DDX51: variants seen among roughly 807,000 people sequenced by gnomAD.
DDX51 encodes the protein DEAD-box helicase 51.
Under a neutral mutation model 74.6 loss-of-function variants are expected in DDX51, and 67 were observed. That is an observed-to-expected ratio of 0.90 (90% CI 0.74 to 1.10). The LOEUF (loss-of-function observed/expected upper bound fraction) is 1.10, where lower values mean the gene tolerates loss of function less well. Ranked by LOEUF, DDX51 falls within the 50% of genes least tolerant of loss-of-function variation. The probability of loss-of-function intolerance (pLI) is 0.00; values close to 1 mark genes in which losing one functional copy is unlikely to be tolerated. For synonymous variants in DDX51, 545 were observed against 402.9 expected (o/e 1.35, Z -4.22); for missense variants, 1,056 against 905.2 (o/e 1.17, Z -2.14).
At chr12:132,143,936 C>A in intron 1 of DDX51, 27 bp from the exon 2 acceptor site, 1 of 1,482,864 alleles carries the variant, frequency 6.7e-7, no homozygotes. Context: ...CACCCGGCAG[C>A]GCGTCAGCAC....
rs997620811 is a variant in DDX51 at position 132,138,057 on chromosome 12, C to G, written c.*1215G>C. 1 of 152,318 alleles carries G rather than the reference C, an allele frequency of 6.6e-6. No individual in the cohort carries two copies. Among genetic ancestry groups the G allele is most frequent in the Non-Finnish European group, 1.5e-5 (1 of 68,086 alleles). 9.4% of individuals were successfully genotyped at this position (152,318 alleles called of 1,614,324 possible). A position where few individuals can be genotyped will look rare whatever the true frequency, so the allele number is the denominator to read the frequency against. Reference sequence around the variant, plus strand: ...GTGTGGATTTCCCACGTTTTATTCTCCATTCATCAGCTGACGGACATGTGG... The same window carrying G: ...GTGTGGATTTCCCACGTTTTATTCTGCATTCATCAGCTGACGGACATGTGG... On this transcript the variant is annotated 3_prime_UTR_variant, in exon 15 of 15. Transcript: ENST00000397333.
Position 132,143,771 on chromosome 12 carries a change from G to C in DDX51, c.443C>G (p.Pro148Arg), listed in dbSNP as rs1262552615. 2 of 1,521,844 alleles carry C rather than the reference G, an allele frequency of 1.3e-6. No homozygotes were observed. Among genetic ancestry groups the C allele is most frequent in the African/African-American group, 2.8e-5 (2 of 70,726 alleles). The allele number at this position is 1,521,844 out of a possible 1,614,324, so 94.3% of individuals were successfully genotyped here. A position where few individuals can be genotyped will look rare whatever the true frequency, so the allele number is the denominator to read the frequency against. The change falls in exon 2 of 15, where the codon CCG (proline) becomes CGG (arginine). Residue 148 changes from proline (P) to arginine (R), a missense_variant. Coordinates refer to ENST00000397333, the MANE Select transcript of DDX51 (RefSeq NM_175066.4). Reference protein sequence around the residue: ...SASAEAAPDGPALEEAAGPLV... With the variant: ...SASAEAAPDGRALEEAAGPLV... ...GGGTCCGGCCGCCTCCTCCAGGGCC[G>C]GTCCATCTGGGGCCGCCTCGGCGCT...
chr12:132,142,386 G>A lies in DDX51; in HGVS notation c.707C>T (p.Ala236Val). ...AAVIPALLESAACGFLVGRGG... is the reference protein window; with the variant it reads ...AAVIPALLESVACGFLVGRGG... ...TCTGCCCACCAGAAACCCACAGGCT[G>A]CGCTCTCCAGGAGGGCAGGAATCAC... Residue 236 changes from alanine to valine, a missense_variant, in exon 4 of 15, where the codon GCA (alanine) becomes GTA (valine). Transcript: ENST00000397333. 6.2e-7 allele frequency: 1 copy of A among 1,612,836 alleles called. No individual in the cohort carries two copies. The highest frequency in any genetic ancestry group is 8.5e-7 in the Non-Finnish European group (1 of 1,180,006).
At chr12:132,143,137 AC>A in intron 2 of DDX51, 1 of 505,012 alleles carries the variant, frequency 2.0e-6, no homozygotes, top group Non-Finnish European at 3.6e-6. Flanking sequence ...AGGTCCTGTG[AC>A]CTGGCGCTCG....
At position 132,143,884 on chromosome 12, in the gene DDX51, C is replaced by T; in HGVS notation, c.330G>A (p.Glu110=). 6.6e-7 allele frequency: 1 copy of T among 1,513,544 alleles called. No homozygotes were observed. The highest frequency in any genetic ancestry group is 8.8e-7 in the Non-Finnish European group (1 of 1,142,768). 93.8% of individuals were successfully genotyped at this position (1,513,544 alleles called of 1,614,324 possible). Residue 110 remains glutamate, a synonymous_variant, in exon 2 of 15, where the codon GAG becomes GAA. Transcript: ENST00000397333. ...CCTCCTCGCTGCTCCCTGCGCTGGG[C>T]TCCCCTGGCGCCTCCTCGTTGCTTT... ...GAESNEEAPG[E]PSAGSSEEAP...
rs759418793 is a variant in DDX51, at chr12:132,143,686, G to A, written c.519+9C>T. On this transcript the variant is annotated intron_variant, in intron 2 of 14. Coordinates refer to ENST00000397333, the MANE Select transcript of DDX51 (RefSeq NM_175066.4). The stretch of plus-strand genomic sequence containing the variant: ...CACGCCGACCACCCTCCCGCCCGCC[G>A]AGGCTCACCTTCGGCGCCTTCCTCT... 17 of 1,537,522 alleles carry A rather than the reference G, an allele frequency of 1.1e-5. No individual in the cohort carries two copies. The highest frequency in any genetic ancestry group is 5.0e-5 in the East Asian group (2 of 39,904).
At position 132,139,687 on chromosome 12, in the gene DDX51, G is replaced by C. The variant is rs201039066; in HGVS notation, c.1922C>G (p.Pro641Arg). 1 of 1,612,890 alleles carries C rather than the reference G, an allele frequency of 6.2e-7. No individual in the cohort carries two copies. Among genetic ancestry groups the C allele is most frequent in the African/African-American group, 1.3e-5 (1 of 74,924 alleles). ...RHELSSKLLQ[P>R]LVPRYEEALS... ...GGCCTCCTCGTACCGAGGAACCAGCGGCTGCAGCAGCTTGCTGGAGAGCTC... is the reference window on the plus strand; with the variant it reads ...GGCCTCCTCGTACCGAGGAACCAGCCGCTGCAGCAGCTTGCTGGAGAGCTC... Residue 641 changes from proline to arginine, a missense_variant, in exon 14 of 15, where the codon CCG becomes CGG. Coordinates refer to ENST00000397333, the MANE Select transcript of DDX51 (RefSeq NM_175066.4).
rs2136673784 is a variant in DDX51, at chr12:132,139,698, C to T, written c.1911G>A (p.Lys637=). The T allele has an allele frequency of 1.2e-6, 2 of 1,613,026 alleles. No individual in the cohort carries two copies. The highest frequency in any genetic ancestry group is 1.7e-6 in the Non-Finnish European group (2 of 1,180,012). Residue 637 remains lysine (K), a synonymous_variant, in exon 14 of 15, where the codon AAG becomes AAA. Transcript: ENST00000397333. ...PELQRHELSS[K]LLQPLVPRYE... is the part of the protein sequence containing the mutation. ...ACCGAGGAACCAGCGGCTGCAGCAGCTTGCTGGAGAGCTCGTGCCGCTGCA... is the reference window on the plus strand; with the variant it reads ...ACCGAGGAACCAGCGGCTGCAGCAGTTTGCTGGAGAGCTCGTGCCGCTGCA...
rs199716931 is a variant in DDX51, at chr12:132,141,401, C to G, written c.1124G>C (p.Arg375Pro). 2 of 1,595,748 alleles carry G rather than the reference C, an allele frequency of 1.3e-6. No individual in the cohort carries two copies. Among genetic ancestry groups the G allele is most frequent in the South Asian group, 2.2e-5 (2 of 90,732 alleles). Reference protein sequence around the residue: ...LRFLIIDEADRMIDSMHQSWL... With the variant: ...LRFLIIDEADPMIDSMHQSWL... ...GGACTGATGCATGCTGTCAATCATCCGGTCAGCCTCGTCGATAATCTGCAG... is the reference window on the plus strand; with the variant it reads ...GGACTGATGCATGCTGTCAATCATCGGGTCAGCCTCGTCGATAATCTGCAG... Residue 375 changes from arginine to proline, a missense_variant, in exon 8 of 15, where the codon CGG becomes CCG. Coordinates refer to ENST00000397333, the MANE Select transcript of DDX51 (RefSeq NM_175066.4).
Position 132,144,238 on chromosome 12 carries a change from G to C in DDX51, c.59C>G (p.Pro20Arg), listed in dbSNP as rs1187840198. 4 of 1,227,700 alleles carry C rather than the reference G, an allele frequency of 3.3e-6. No homozygotes were observed. The highest frequency in any genetic ancestry group is 4.1e-6 in the Non-Finnish European group (4 of 985,076). The allele number at this position is 1,227,700 out of a possible 1,614,324, so 76.1% of individuals were successfully genotyped here. A position where few individuals can be genotyped will look rare whatever the true frequency, so the allele number is the denominator to read the frequency against. ...PGPDAAAAAG[P>R]EGAEAGAHGR... ...GTGCGCCCCGGCCTCCGCGCCCTCC[G>C]GCCCCGCCGCAGCTGCCGCATCGGG... Residue 20 changes from proline (P) to arginine (R), a missense_variant, in exon 1 of 15, where the codon CCG becomes CGG. Transcript: ENST00000397333.
Position 132,140,162 on chromosome 12 carries a change from C to A in DDX51, c.1711G>T (p.Val571Leu), listed in dbSNP as rs371856587. Residue 571 changes from valine (V) to leucine (L), a missense_variant, in exon 12 of 15, where the codon GTG becomes TTG. Coordinates refer to ENST00000397333, the MANE Select transcript of DDX51 (RefSeq NM_175066.4). ...STDATARGIDVQGVELVVNYD... is the reference protein window; with the variant it reads ...STDATARGIDLQGVELVVNYD... Reference sequence around the variant, plus strand: ...TTCACCACCAGCTCCACACCCTGCACGTCGATGCCTCGCGCGGTGGCGTCC... The same window carrying A: ...TTCACCACCAGCTCCACACCCTGCAAGTCGATGCCTCGCGCGGTGGCGTCC... The A allele has an allele frequency of 4.3e-6, 7 of 1,612,782 alleles. No individual in the cohort carries two copies. Among genetic ancestry groups the A allele is most frequent in the African/African-American group, 1.3e-5 (1 of 74,936 alleles).
intron 6 of DDX51, 68 bp downstream of exon 6, chr12:132,141,782 G>A (rs1031960552): frequency 2.2e-5 from 34 of 1,557,878 alleles, no homozygotes; most frequent in East Asian, 6.7e-5. Context: ...CTGCTCCCAC[G>A]GTGCCTCAGG....
chr12:132,137,006 G>A lies in DDX51; in HGVS notation c.*2266C>T, dbSNP rs1897275081. 1 of 152,328 alleles carries A rather than the reference G, an allele frequency of 6.6e-6. No individual in the cohort carries two copies. The highest frequency in any genetic ancestry group is 1.9e-4 in the East Asian group (1 of 5,212). 9.4% of individuals were successfully genotyped at this position (152,328 alleles called of 1,614,324 possible). ...ATGGGCTAGTGACGAGGGGTTAGAGGAGGGATGTCTTGTCCTCCCAGGGCC... is the reference window on the plus strand; with the variant it reads ...ATGGGCTAGTGACGAGGGGTTAGAGAAGGGATGTCTTGTCCTCCCAGGGCC... On this transcript the variant is annotated 3_prime_UTR_variant, in exon 15 of 15. Coordinates refer to ENST00000397333, the MANE Select transcript of DDX51 (RefSeq NM_175066.4).
rs1056423153 is a variant in DDX51 at position 132,142,970 on chromosome 12, G to C, written c.520-92C>G. 3 of 1,561,170 alleles carry C rather than the reference G, an allele frequency of 1.9e-6. No homozygotes were observed. In the African/African-American group the frequency reaches 4.1e-5, roughly 21 times the overall value. ...GAAAAAGCTAGGGGAGGGAGGCTGG[G>C]GAAACCTCTGTCGTCTTCAGCTCCT... On this transcript the variant is annotated intron_variant, in intron 2 of 14. Transcript: ENST00000397333.
chr12:132,142,058 G>A, intron 5 of DDX51, 61 bp downstream of exon 5: 2 of 1,588,876 alleles, frequency 1.3e-6, no homozygotes, highest in Non-Finnish European at 1.7e-6. Context: ...GCTGATCGCT[G>A]TGCACTCAGC....
At chr12:132,139,501 C>G in intron 14 of DDX51, 134 bp downstream of exon 14, 2 of 1,577,946 alleles carry the variant, frequency 1.3e-6, no homozygotes, top group South Asian at 1.1e-5. Context: ...GCCAGAAGCT[C>G]GAGGACAACC....
Position 132,139,171 on chromosome 12 carries a change from G to A in DDX51, c.*101C>T, listed in dbSNP as rs1379938545. ...TGGGGAGGAAGGCTGTGTCCACTGG[G>A]GGATTCCTTTCCTCACATACAGGAT... On this transcript the variant is annotated 3_prime_UTR_variant, in exon 15 of 15. Coordinates refer to ENST00000397333, the MANE Select transcript of DDX51 (RefSeq NM_175066.4). The A allele has an allele frequency of 2.7e-6, 4 of 1,500,972 alleles. No individual in the cohort carries two copies. Among genetic ancestry groups the A allele is most frequent in the Non-Finnish European group, 3.6e-6 (4 of 1,112,720 alleles). 93.0% of individuals were successfully genotyped at this position (1,500,972 alleles called of 1,614,324 possible). A position where few individuals can be genotyped will look rare whatever the true frequency, so the allele number is the denominator to read the frequency against.
rs1274360609 is a variant in DDX51, at chr12:132,143,893, C to A, written c.321G>T (p.Ala107=). Reference sequence around the variant, plus strand: ...TGCTCCCTGCGCTGGGCTCCCCTGGCGCCTCCTCGTTGCTTTCTGCGAGGC... The same window carrying A: ...TGCTCCCTGCGCTGGGCTCCCCTGGAGCCTCCTCGTTGCTTTCTGCGAGGC... ...EDAGAESNEE[A]PGEPSAGSSE... The change falls in exon 2 of 15, where the codon GCG becomes GCT. Residue 107 remains alanine, a synonymous_variant. Coordinates refer to ENST00000397333, the MANE Select transcript of DDX51 (RefSeq NM_175066.4). 17 of 1,521,662 alleles carry A rather than the reference C, an allele frequency of 1.1e-5. No individual in the cohort carries two copies. The highest frequency in any genetic ancestry group is 2.0e-5 in the Admixed American group (1 of 50,722). The allele number at this position is 1,521,662 out of a possible 1,614,324, so 94.3% of individuals were successfully genotyped here.
At chr12:132,142,916 T>C (rs1009681423) in intron 2 of DDX51, 38 bp from the exon 3 acceptor site, 1 of 1,609,852 alleles carries the variant, frequency 6.2e-7, no homozygotes, top group Non-Finnish European at 8.5e-7. Context: ...GTGAGCGCTT[T>C]CCAGGCTCTC....
Sources: gnomAD v4.1 joint callset for allele counts on GRCh38, gnomAD v4.1.1 for gene constraint, MANE v1.5 for transcripts, NCBI Gene and HGNC (gene_info 2026-07-23, HGNC 2026-07-21) for gene names.